The following ATAD2 variants were observed in gnomAD, a reference collection of about 807,000 sequenced individuals.
ATAD2 encodes the protein ATPase family AAA domain-containing protein 2.
ATAD2 carries 62 observed loss-of-function variants against 168.9 expected under a neutral mutation model. That is an observed-to-expected ratio of 0.37 (90% CI 0.30 to 0.45). The LOEUF is 0.45. Ranked by LOEUF, ATAD2 falls within the 20% of genes least tolerant of loss-of-function variation. The pLI is 1.00. For missense variants in ATAD2, 1,419 were observed against 1,667.8 expected, an observed-to-expected ratio of 0.85 and a Z score of 2.60; for synonymous variants, 613 against 571.6, an observed-to-expected ratio of 1.07 and a Z score of -1.03.
At chr8:123,415,117 T>G (rs980654266) in intron 1 of ATAD2, among the ~76,000 whole-genome samples, 1 of 152,226 alleles carries the variant, frequency 6.6e-6, no homozygotes, top group African/African-American at 2.4e-5. Context: ...GCAAATTCTC[T>G]CACCATTTGT....
chr8:123,407,061 A>G (rs1240377893), intron 1 of ATAD2, among the ~76,000 whole-genome samples: 4 of 152,186 alleles, frequency 2.6e-5, no homozygotes, highest in Non-Finnish European at 5.9e-5. Context: ...ACAGACACAG[A>G]GAAGGCAGTG....
chr8:123,370,881 C>T, intron 6 of ATAD2, 22 bp downstream of exon 6: 2 of 1,539,068 alleles, frequency 1.3e-6, no homozygotes, highest in Non-Finnish European at 1.8e-6. Context: ...TCCCAGAAGA[C>T]AGAACAAGAG....
intron 24 of ATAD2, among the ~76,000 whole-genome samples, chr8:123,333,301 T>G (rs1246452127): frequency 7.3e-6 from 1 of 136,174 alleles, no homozygotes; most frequent in African/African-American, 2.8e-5. Flanking sequence ...TCCCAGCTAC[T>G]TGGGAGGCTG....
chr8:123,395,850 G>A (rs1812799933), intron 1 of ATAD2, among the ~76,000 whole-genome samples: 1 of 152,196 alleles, frequency 6.6e-6, no homozygotes, highest in African/African-American at 2.4e-5. Flanking sequence ...GCAGGAGCCT[G>A]GGCGATCGAT....
Position 123,359,238 on chromosome 8 carries a change from A to T in ATAD2, c.1365T>A (p.Phe455Leu). The T allele has an allele frequency of 6.3e-7, 1 of 1,587,418 alleles. No individual in the cohort carries two copies. ...PLLYPEVFEKFKIQPPRGCLF... is the reference protein window; with the variant it reads ...PLLYPEVFEKLKIQPPRGCLF... ...TAAATTACCTTGGGGGTTGAATTTT[A>T]AATTTTTCAAAGACTTCTGGATAAA... The change falls in exon 11 of 28, where the codon TTT (phenylalanine) becomes TTA (leucine). Residue 455 changes from phenylalanine to leucine, a missense_variant. Phe to Leu is a conservative substitution (Grantham distance 22). Coordinates refer to ENST00000287394, the MANE Select transcript of ATAD2 (RefSeq NM_014109.4).
chr8:123,410,232 A>G (rs1359516671), intron 1 of ATAD2, among the ~76,000 whole-genome samples: 4 of 151,720 alleles, frequency 2.6e-5, no homozygotes, highest in Non-Finnish European at 4.4e-5. Context: ...ACCATCTCCT[A>G]CTCTTCTGAA....
At chr8:123,396,472 G>T (rs894170704), upstream of ATAD2, 12 of 1,176,080 alleles carry the variant, frequency 1.0e-5, no homozygotes, top group Admixed American at 3.0e-5. Flanking sequence ...CGCGCCAGCG[G>T]CCGCAGCGCG....
At chr8:123,344,361 T>C (rs1489503174) in intron 19 of ATAD2, among the ~76,000 whole-genome samples, 1 of 149,422 alleles carries the variant, frequency 6.7e-6, no homozygotes, top group African/African-American at 2.5e-5. Context: ...TTTTTTTTTT[T>C]TTTTGAGACA....
intron 13 of ATAD2, among the ~76,000 whole-genome samples, chr8:123,355,404 G>T (rs1350585593): frequency 6.6e-6 from 1 of 152,042 alleles, no homozygotes; most frequent in Non-Finnish European, 1.5e-5. Context: ...CATTTAAAAA[G>T]AAGTTCTAAA....
At chr8:123,389,567 A>C (rs979439564) in intron 1 of ATAD2, among the ~76,000 whole-genome samples, 1 of 151,230 alleles carries the variant, frequency 6.6e-6, no homozygotes, top group Non-Finnish European at 1.5e-5. Context: ...GTGAACCCAG[A>C]AGGAGGAGCT....
At chr8:123,362,399 T>TA (rs762512135) in intron 8 of ATAD2, among the ~76,000 whole-genome samples, 61 of 151,962 alleles carry the variant, frequency 4.0e-4, no homozygotes, top group African/African-American at 6.8e-4. Flanking sequence ...TCACCTACTT[T>TA]AAAAAATCAA....
At chr8:123,394,909 G>A (rs1812756464) in intron 1 of ATAD2, among the ~76,000 whole-genome samples, 1 of 152,226 alleles carries the variant, frequency 6.6e-6, no homozygotes, top group African/African-American at 2.4e-5. Context: ...TTCAGAGACT[G>A]AAGGGAGTGT....
chr8:123,377,091 CAAAAAAAAAAA>C (rs58655606), intron 2 of ATAD2, among the ~76,000 whole-genome samples: 1 of 27,258 alleles, frequency 3.7e-5, no homozygotes, highest in Non-Finnish European at 5.6e-5. Context: ...GACTCCGTCT[CAAAAAAAAAAA>C]AAAAAAAAAA....
chr8:123,406,177 G>C (rs1813065790), intron 1 of ATAD2, among the ~76,000 whole-genome samples: 1 of 152,026 alleles, frequency 6.6e-6, no homozygotes, highest in South Asian at 2.1e-4. Flanking sequence ...AGGAGTTCGA[G>C]ACTAGCCTGG....
At chr8:123,347,065 CTT>C in intron 16 of ATAD2, 25 bp downstream of exon 16, 2 of 1,562,082 alleles carry the variant, frequency 1.3e-6, no homozygotes, top group South Asian at 2.4e-5. Flanking sequence ...TAAAAACTAA[CTT>C]TAAATGGTCA....
At chr8:123,365,236 C>G (rs1200102409) in intron 8 of ATAD2, among the ~76,000 whole-genome samples, 1 of 152,050 alleles carries the variant, frequency 6.6e-6, no homozygotes, top group Admixed American at 6.6e-5. Context: ...GGCAAAAGAC[C>G]TCTACAAGGA....
chr8:123,396,468 A>C, upstream of ATAD2: 15 of 1,200,308 alleles, frequency 1.2e-5, no homozygotes, highest in Non-Finnish European at 1.7e-5. Context: ...GCTCCGCGCC[A>C]GCGGCCGCAG....
chr8:123,414,091 T>A (rs1311211782), intron 1 of ATAD2, among the ~76,000 whole-genome samples: 2 of 28,374 alleles, frequency 7.0e-5, no homozygotes, highest in African/African-American at 3.3e-4. Flanking sequence ...GACTCTTATC[T>A]CAAAAAAAAA....
At chr8:123,377,992 A>C (rs1157695567) in intron 2 of ATAD2, among the ~76,000 whole-genome samples, 1 of 152,206 alleles carries the variant, frequency 6.6e-6, no homozygotes, top group Non-Finnish European at 1.5e-5. Flanking sequence ...TCAGATCGTC[A>C]AAAACAATTT....
Sources: allele counts gnomAD v4.1 joint callset (sites outside exome capture counted in the v4.1 genomes callset), GRCh38; gene constraint gnomAD v4.1.1; transcripts MANE v1.5; gene names NCBI Gene and HGNC (gene_info 2026-07-23, HGNC 2026-07-21).